The following TEX11 variants were observed in gnomAD, a reference collection of about 807,000 sequenced individuals.
TEX11 encodes the protein testis expressed 11, also known as testis-expressed protein 11.
A neutral mutation model predicts 84.4 loss-of-function variants in TEX11; 7 were observed. That is an observed-to-expected ratio of 0.08 (90% CI 0.05 to 0.16). TEX11 has a LOEUF of 0.16. Among genes scored for constraint, TEX11 ranks in the 10% least tolerant of loss-of-function variants. The pLI is 1.00. For missense variants in TEX11, 551 were observed against 660.5 expected (o/e 0.83, Z 1.82); for synonymous variants, 264 against 222.8 (o/e 1.18, Z -1.64).
chrX:70,809,040 G>A (rs1328903541), intron 8 of TEX11, among the ~76,000 whole-genome samples: 1 of 111,859 alleles, frequency 8.9e-6, no homozygotes, highest in East Asian at 2.8e-4. Flanking sequence ...CTATGAGGGA[G>A]TTGAAAGGAA....
At chrX:70,529,714 G>A (rs1444854607) in intron 29 of TEX11, 121 bp downstream of exon 29, 2 of 720,500 alleles carry the variant, frequency 2.8e-6, no homozygotes, top group Admixed American at 4.2e-5. Flanking sequence ...ACCATTGAGA[G>A]GAACAATGAG....
Position 70,554,786 on chromosome X carries a change from C to A in TEX11, c.2155G>T (p.Asp719Tyr), listed in dbSNP as rs1337652466. 3.3e-6 allele frequency: 4 copies of A among 1,203,825 alleles called. No individual in the cohort carries two copies. The highest frequency in any genetic ancestry group is 4.5e-6 in the Non-Finnish European group (4 of 892,558). ...FLKQTGTFSNDSCEKLLLLYE... is the reference protein window; with the variant it reads ...FLKQTGTFSNYSCEKLLLLYE... ...AGCAGAAGCAATTTCTCACATGAATCATTTGAGAAGGTCCCTAAGAAAGAG... is the reference window on the plus strand; with the variant it reads ...AGCAGAAGCAATTTCTCACATGAATAATTTGAGAAGGTCCCTAAGAAAGAG... Residue 719 changes from aspartate (D) to tyrosine (Y), a missense_variant, in exon 26 of 30, where the codon GAT becomes TAT. By Grantham distance (160) the Asp-to-Tyr change is radical. Coordinates refer to ENST00000374333, the MANE Select transcript of TEX11 (RefSeq NM_031276.3).
At position 70,587,615 on chromosome X, in the gene TEX11, G is replaced by A. The variant is rs1044043006; in HGVS notation, c.2140+4136C>T. Among the ~76,000 whole-genome samples the A allele has an allele frequency of 4.4e-5, 5 of 112,361 alleles. No individual in the cohort carries two copies. In the East Asian group the frequency reaches 1.4e-3, roughly 31 times the overall value. On this transcript the variant is annotated intron_variant, in intron 25 of 29. Coordinates refer to ENST00000374333, the MANE Select transcript of TEX11 (RefSeq NM_031276.3). ...CCGTGGAGAAGTTTGCTGCAGGGGTGGAGTCCTCATGGAGAACCTCTGCTA... is the reference window on the plus strand; with the variant it reads ...CCGTGGAGAAGTTTGCTGCAGGGGTAGAGTCCTCATGGAGAACCTCTGCTA...
At chrX:70,733,512 C>G (rs183643034) in intron 11 of TEX11, among the ~76,000 whole-genome samples, 1 of 111,334 alleles carries the variant, frequency 9.0e-6, no homozygotes, top group East Asian at 2.8e-4. Flanking sequence ...AGACACTTCT[C>G]AAAAGAAGAC....
At chrX:70,902,863 G>T (rs1434929396) in intron 2 of TEX11, among the ~76,000 whole-genome samples, 2 of 112,054 alleles carry the variant, frequency 1.8e-5, no homozygotes, top group Non-Finnish European at 3.8e-5. Flanking sequence ...TTAGCTTAAA[G>T]CACAAACATT....
chrX:70,880,195 C>A, intron 2 of TEX11, 86 bp from the exon 3 acceptor site: 1 of 719,536 alleles, frequency 1.4e-6, no homozygotes, highest in South Asian at 4.7e-5. Context: ...ATGTCTAAAT[C>A]ATTGGCCAAA....
chrX:70,763,922 A>G (rs1364703235), intron 9 of TEX11, among the ~76,000 whole-genome samples: 4 of 112,281 alleles, frequency 3.6e-5, no homozygotes, highest in African/African-American at 1.3e-4. Flanking sequence ...GGCATTGGAC[A>G]GATCTTCCAG....
rs755492832 is a variant in TEX11, at chrX:70,609,715, T to C, written c.1793-538A>G. Among the ~76,000 whole-genome samples, 7 of 112,023 alleles carry C rather than the reference T, an allele frequency of 6.2e-5. No homozygotes were observed. The Admixed American group carries it at 6.6e-4, about 11-fold the overall frequency. ...CTATGTTTAACACCCTGCTGACAGG[T>C]ATTTGAGGTATAAAATTGAACTACT... On this transcript the variant is annotated intron_variant, in intron 21 of 29. Transcript: ENST00000374333.
intron 24 of TEX11, 47 bp from the exon 25 acceptor site, chrX:70,591,870 A>G: frequency 1.1e-6 from 1 of 948,053 alleles, no homozygotes. Flanking sequence ...ACAAAAAAGA[A>G]CTTTAAGCAA....
At chrX:70,591,568 G>A (rs764611508) in intron 25 of TEX11, among the ~76,000 whole-genome samples, 183 bp downstream of exon 25, 8 of 110,516 alleles carry the variant, frequency 7.2e-5, no homozygotes, top group African/African-American at 2.3e-4. Context: ...ACATCACCGC[G>A]CTCCAGCCTG....
chrX:70,520,127 C>T, the TEX11 span, among the ~76,000 whole-genome samples: 1 of 112,072 alleles, frequency 8.9e-6, no homozygotes, highest in East Asian at 2.8e-4. Flanking sequence ...GTGAACTCAT[C>T]AAAGTCATTC....
At chrX:70,638,368 A>G (rs767704972) in intron 17 of TEX11, among the ~76,000 whole-genome samples, 1 of 112,136 alleles carries the variant, frequency 8.9e-6, no homozygotes, top group Non-Finnish European at 1.9e-5. Context: ...AAACCCTGCC[A>G]ATTAATACTT....
chrX:70,741,026 A>G (rs773674998), intron 10 of TEX11, among the ~76,000 whole-genome samples: 2 of 111,336 alleles, frequency 1.8e-5, no homozygotes, highest in South Asian at 7.5e-4. Flanking sequence ...GCTTATTTAC[A>G]TTTAATATAA....
At chrX:70,835,577 C>T (rs975488723) in intron 7 of TEX11, among the ~76,000 whole-genome samples, 6 of 111,992 alleles carry the variant, frequency 5.4e-5, no homozygotes, top group African/African-American at 1.3e-4. Flanking sequence ...TGATGTCCTG[C>T]GTATACTGAT....
intron 13 of TEX11, among the ~76,000 whole-genome samples, chrX:70,711,180 G>T (rs187553961): frequency 0.077 from 8,508 of 111,081 alleles, 282 homozygotes; most frequent in African/African-American, 0.13. Context: ...TCTTAATCCA[G>T]TCTATCATTG....
intron 23 of TEX11, among the ~76,000 whole-genome samples, chrX:70,605,936 T>A (rs968524599): frequency 8.9e-6 from 1 of 111,978 alleles, no homozygotes; most frequent in Non-Finnish European, 1.9e-5. Flanking sequence ...CATTGTCAAA[T>A]CTTGACAGGC....
intron 9 of TEX11, among the ~76,000 whole-genome samples, chrX:70,772,606 C>T (rs774948301): frequency 6.3e-5 from 7 of 110,700 alleles, no homozygotes; most frequent in East Asian, 2.8e-4. Flanking sequence ...ATCAAGGAAA[C>T]GACACCACCA....
chrX:70,599,779 C>T (rs199671148), intron 24 of TEX11, among the ~76,000 whole-genome samples: 1 of 105,258 alleles, frequency 9.5e-6, no homozygotes, highest in Non-Finnish European at 1.9e-5. Flanking sequence ...GTTTGGTTTT[C>T]TGTTCTTGCG....
chrX:70,629,719 A>T lies in TEX11; in HGVS notation c.1500T>A (p.Ile500=). The change falls in exon 18 of 30, where the codon ATT becomes ATA. Residue 500 remains isoleucine (I), a synonymous_variant. Transcript: ENST00000374333. ...CATCTGTTAATATATTCTCTAAAGT[A>T]ATTATTGCCTGCAAAGCTGAAAAAC... ...GNSERALQAI[I]TLENILTDEE... 8.5e-7 allele frequency: 1 copy of T among 1,171,572 alleles called. No individual in the cohort carries two copies. The highest frequency in any genetic ancestry group is 1.9e-5 in the South Asian group (1 of 52,421).
Sources: allele counts gnomAD v4.1 joint callset (sites outside exome capture counted in the v4.1 genomes callset), GRCh38; gene constraint gnomAD v4.1.1; transcripts MANE v1.5; gene names NCBI Gene and HGNC (gene_info 2026-07-23, HGNC 2026-07-21).